Variants in VEPH1 observed in about 807,000 individuals in gnomAD.
The protein encoded by VEPH1 is ventricular zone expressed PH domain containing 1.
VEPH1 carries 80 observed loss-of-function variants against 85.2 expected under a neutral mutation model. The ratio of observed to expected loss-of-function variants is 0.94; its 90% CI spans 0.78 to 1.13. The LOEUF is 1.13. Ranked by LOEUF, VEPH1 falls within the 50% of genes most tolerant of loss-of-function variation. The pLI is 0.00. For missense variants in VEPH1, 955 were observed against 980.5 expected (o/e 0.97, Z 0.35); for synonymous variants, 297 against 348.0 (o/e 0.85, Z 1.63).
intron 11 of VEPH1, among the ~76,000 whole-genome samples, chr3:157,297,760 AAGG>A (rs1430680575): frequency 1.3e-5 from 2 of 152,160 alleles, no homozygotes; most frequent in Non-Finnish European, 2.9e-5. Flanking sequence ...ACAAGCATAA[AAGG>A]AGGGATTTAA....
chr3:157,363,506 T>C lies in VEPH1; in HGVS notation c.1593A>G (p.Glu531=). 1 of 1,614,170 alleles carries C rather than the reference T, an allele frequency of 6.2e-7. No homozygotes were observed. The highest frequency in any genetic ancestry group is 8.5e-7 in the Non-Finnish European group (1 of 1,180,022). The change falls in exon 9 of 14, where the codon GAA becomes GAG. Residue 531 remains glutamate (E), a synonymous_variant. Transcript: ENST00000362010. ...GACTTGCAGTTGTCTCTGGAGTTTC[T>C]TCCTGGGAGTTTTCTTTAACAGTTT... ...LSETVKENSQ[E]ETPETTASPI... is the part of the protein sequence containing the mutation.
At position 157,259,804 on chromosome 3, in the gene VEPH1, T is replaced by A. The variant is rs1191967792; in HGVS notation, c.*1330A>T. The stretch of plus-strand genomic sequence containing the variant: ...TTTCTGTGGGTCAGGAGTCCAAACG[T>A]GATTTAGCTGGGTCCTCTGCTCAGA... On this transcript the variant is annotated 3_prime_UTR_variant, in exon 14 of 14. Coordinates refer to ENST00000362010, the MANE Select transcript of VEPH1 (RefSeq NM_001167912.2). 1.3e-5 allele frequency: 2 copies of A among 152,170 alleles called. No individual in the cohort carries two copies. The highest frequency in any genetic ancestry group is 2.9e-5 in the Non-Finnish European group (2 of 68,038). The allele number at this position is 152,170 out of a possible 1,614,324, so 9.4% of individuals were successfully genotyped here.
At chr3:157,269,562 T>C (rs1332330641) in intron 12 of VEPH1, among the ~76,000 whole-genome samples, 1 of 151,986 alleles carries the variant, frequency 6.6e-6, no homozygotes, top group Non-Finnish European at 1.5e-5. Flanking sequence ...TAAAAATAAT[T>C]TCAAAAAACA....
intron 7 of VEPH1, among the ~76,000 whole-genome samples, chr3:157,371,502 C>T (rs566811730): frequency 4.3e-4 from 65 of 152,318 alleles, no homozygotes; most frequent in African/African-American, 1.4e-3. Flanking sequence ...CCTGGACCAG[C>T]GGCATCAGCA....
intron 9 of VEPH1, among the ~76,000 whole-genome samples, chr3:157,355,836 T>G (rs1725363553): frequency 6.6e-6 from 1 of 152,124 alleles, no homozygotes; most frequent in Non-Finnish European, 1.5e-5. Context: ...GTGGATATTT[T>G]CATCTGAAAA....
intron 2 of VEPH1, among the ~76,000 whole-genome samples, chr3:157,487,653 T>G (rs1414343788): frequency 6.6e-6 from 1 of 152,148 alleles, no homozygotes; most frequent in African/African-American, 2.4e-5. Context: ...TATATAAGCA[T>G]AGTTCTAAAA....
intron 9 of VEPH1, among the ~76,000 whole-genome samples, chr3:157,357,471 T>A (rs766573050): frequency 6.6e-6 from 1 of 152,170 alleles, no homozygotes; most frequent in Non-Finnish European, 1.5e-5. Flanking sequence ...AACATACTCC[T>A]TTGTCCATCT....
intron 6 of VEPH1, among the ~76,000 whole-genome samples, chr3:157,411,307 T>C (rs1189543083): frequency 6.6e-6 from 1 of 152,178 alleles, no homozygotes; most frequent in Non-Finnish European, 1.5e-5. Context: ...TTATTGTGGT[T>C]TTGGATTTTT....
chr3:157,291,893 A>C (rs909679479), intron 11 of VEPH1, among the ~76,000 whole-genome samples: 26 of 152,306 alleles, frequency 1.7e-4, no homozygotes, highest in African/African-American at 6.3e-4. Context: ...TTCAACTATG[A>C]CCATTAAGAC....
intron 11 of VEPH1, among the ~76,000 whole-genome samples, chr3:157,289,466 A>G (rs1717206842): frequency 6.6e-6 from 1 of 152,252 alleles, no homozygotes; most frequent in Non-Finnish European, 1.5e-5. Flanking sequence ...AGTTGTATGA[A>G]CTTTGAAGTT....
chr3:157,472,788 G>A (rs1433682739), intron 2 of VEPH1, among the ~76,000 whole-genome samples: 2 of 152,006 alleles, frequency 1.3e-5, no homozygotes. Context: ...TTCTGTTCCT[G>A]CATTAATCTG....
intron 6 of VEPH1, among the ~76,000 whole-genome samples, chr3:157,388,414 G>A (rs1207844151): frequency 1.3e-5 from 2 of 152,254 alleles, no homozygotes; most frequent in Middle Eastern, 3.4e-3. Context: ...TACTGGGGGA[G>A]CAATTCTTTG....
At chr3:157,336,780 A>G (rs1341339074) in intron 9 of VEPH1, among the ~76,000 whole-genome samples, 1 of 152,218 alleles carries the variant, frequency 6.6e-6, no homozygotes, top group Non-Finnish European at 1.5e-5. Flanking sequence ...AGTCTGACTC[A>G]CTGCTTGCTT....
At chr3:157,431,332 G>A (rs547780383) in intron 4 of VEPH1, among the ~76,000 whole-genome samples, 19 of 152,232 alleles carry the variant, frequency 1.2e-4, no homozygotes, top group African/African-American at 4.3e-4. Flanking sequence ...TTATAGCAGT[G>A]TGAAAACAGA....
chr3:157,464,972 T>C (rs1736228247), intron 3 of VEPH1, among the ~76,000 whole-genome samples: 1 of 152,236 alleles, frequency 6.6e-6, no homozygotes, highest in African/African-American at 2.4e-5. Flanking sequence ...AGCATAGCTA[T>C]ATGTAAAATC....
chr3:157,477,717 C>A (rs1167851758), intron 2 of VEPH1, among the ~76,000 whole-genome samples: 2 of 152,062 alleles, frequency 1.3e-5, no homozygotes, highest in African/African-American at 2.4e-5. Flanking sequence ...TAGTGTGATC[C>A]AATAGGCACG....
intron 7 of VEPH1, among the ~76,000 whole-genome samples, chr3:157,372,622 AG>A (rs1405819796): frequency 1.3e-5 from 2 of 152,160 alleles, no homozygotes; most frequent in Non-Finnish European, 2.9e-5. Context: ...ATAAAATATT[AG>A]GTATTAAAGA....
intron 5 of VEPH1, among the ~76,000 whole-genome samples, chr3:157,415,802 G>A (rs1161394639): frequency 6.6e-6 from 1 of 152,070 alleles, no homozygotes; most frequent in Admixed American, 6.6e-5. Context: ...TTACTCATGT[G>A]ATTTATTCTG....
intron 6 of VEPH1, among the ~76,000 whole-genome samples, chr3:157,401,770 T>A (rs933811664): frequency 1.3e-5 from 2 of 151,878 alleles, no homozygotes; most frequent in African/African-American, 4.8e-5. Context: ...CTGTGATTCC[T>A]TGTGAACTGC....
Sources: gnomAD v4.1 joint callset for allele counts (sites outside exome capture counted in the v4.1 genomes callset) on GRCh38, gnomAD v4.1.1 for gene constraint, MANE v1.5 for transcripts, NCBI Gene and HGNC (gene_info 2026-07-23, HGNC 2026-07-21) for gene names.